CEP162: variants seen among roughly 807,000 people sequenced by gnomAD.
CEP162 encodes the protein centrosomal protein of 162 kDa.
CEP162 carries 141 observed loss-of-function variants against 169.2 expected under a neutral mutation model. That is an observed-to-expected ratio of 0.83 (90% CI 0.73 to 0.96). The LOEUF is 0.96. Ranked by LOEUF, CEP162 falls within the 40% of genes least tolerant of loss-of-function variation. The probability of loss-of-function intolerance (pLI) is 0.00; values close to 1 mark genes in which losing one functional copy is unlikely to be tolerated. For synonymous variants in CEP162, 540 were observed against 526.4 expected, an observed-to-expected ratio of 1.03 and a Z score of -0.35; for missense variants, 1,600 against 1,587.2, an observed-to-expected ratio of 1.01 and a Z score of -0.14.
At chr6:84,170,598 C>T (rs1188018366) in intron 17 of CEP162, among the ~76,000 whole-genome samples, 2 of 151,610 alleles carry the variant, frequency 1.3e-5, no homozygotes, top group East Asian at 1.9e-4. Context: ...GGTTATATAA[C>T]CAAAAAGGGG....
intron 23 of CEP162, among the ~76,000 whole-genome samples, chr6:84,151,037 G>A (rs536650230): frequency 6.6e-6 from 1 of 152,050 alleles, no homozygotes; most frequent in African/African-American, 2.4e-5. Context: ...CAATTTCCTG[G>A]GAAGTTCCAC....
intron 23 of CEP162, 67 bp from the exon 24 acceptor site, chr6:84,149,770 C>T: frequency 7.6e-7 from 1 of 1,324,480 alleles, no homozygotes; most frequent in Non-Finnish European, 1.0e-6. Context: ...AGAGTTAGCA[C>T]AAAAACAGTA....
chr6:84,195,213 C>T (rs2099541612), intron 9 of CEP162, 138 bp from the exon 10 acceptor site: 2 of 690,030 alleles, frequency 2.9e-6, no homozygotes, highest in Non-Finnish European at 4.7e-6. Context: ...CAGCTATGGC[C>T]TACCAGCATG....
intron 21 of CEP162, among the ~76,000 whole-genome samples, chr6:84,156,352 C>T (rs955727424): frequency 8.6e-5 from 13 of 151,992 alleles, no homozygotes; most frequent in African/African-American, 3.1e-4. Context: ...GCAAATGCAA[C>T]AAAACCAAAA....
chr6:84,159,524 TA>T (rs1360473799), intron 21 of CEP162, among the ~76,000 whole-genome samples: 17 of 33,450 alleles, frequency 5.1e-4, no homozygotes, highest in African/African-American at 2.1e-3. Context: ...ATTAATTATT[TA>T]TATATATATA....
intron 17 of CEP162, among the ~76,000 whole-genome samples, chr6:84,170,373 C>CAAAAAAAAAAAAA (rs57988482): frequency 2.5e-4 from 7 of 28,352 alleles, no homozygotes; most frequent in African/African-American, 4.2e-4. Context: ...GACTCCGTCT[C>CAAAAAAAAAAAAA]AAAAAAAAAA....
At chr6:84,189,329 G>A (rs1291578316) in intron 11 of CEP162, among the ~76,000 whole-genome samples, 5 of 152,196 alleles carry the variant, frequency 3.3e-5, no homozygotes, top group African/African-American at 9.6e-5. Context: ...GGCTGGCCAA[G>A]GCCAGAGCCC....
Position 84,175,254 on chromosome 6 carries a change from T to G in CEP162, c.1757A>C (p.Glu586Ala). Reference sequence around the variant, plus strand: ...ACAGGAATCAGTTTCTGTGGGATTTTCAGACTTCTTACGAGTAGACAGGCA... The same window carrying G: ...ACAGGAATCAGTTTCTGTGGGATTTGCAGACTTCTTACGAGTAGACAGGCA... Reference protein sequence around the residue: ...ESCLSTRKKSENPTETDSCIQ... With the variant: ...ESCLSTRKKSANPTETDSCIQ... Residue 586 changes from glutamate (E) to alanine (A), a missense_variant, in exon 14 of 27, where the codon GAA (glutamate) becomes GCA (alanine). By Grantham distance (107) the Glu-to-Ala change is moderately radical. Coordinates refer to ENST00000403245, the MANE Select transcript of CEP162 (RefSeq NM_014895.4). The G allele has an allele frequency of 6.5e-7, 1 of 1,544,942 alleles. No individual in the cohort carries two copies. The highest frequency in any genetic ancestry group is 8.7e-7 in the Non-Finnish European group (1 of 1,143,156).
intron 2 of CEP162, 24 bp downstream of exon 2, chr6:84,226,313 T>G: frequency 6.8e-7 from 1 of 1,460,788 alleles, no homozygotes; most frequent in Non-Finnish European, 9.4e-7. Flanking sequence ...TTTGACAATA[T>G]AGCTTTTAAA....
At chr6:84,136,751 T>C (rs1011890652) in intron 25 of CEP162, among the ~76,000 whole-genome samples, 1 of 152,230 alleles carries the variant, frequency 6.6e-6, no homozygotes, top group Non-Finnish European at 1.5e-5. Flanking sequence ...CTTATTTAAC[T>C]TGATAGCTGT....
chr6:84,134,537 C>T (rs534874932), intron 25 of CEP162, among the ~76,000 whole-genome samples: 2 of 152,142 alleles, frequency 1.3e-5, no homozygotes. Context: ...AGCATAGTAA[C>T]TGGGCTGGAG....
At chr6:84,199,367 G>C (rs1261883512) in intron 9 of CEP162, among the ~76,000 whole-genome samples, 1 of 152,090 alleles carries the variant, frequency 6.6e-6, no homozygotes, top group Non-Finnish European at 1.5e-5. Context: ...AGTCAAAATA[G>C]TGGTGACTCT....
chr6:84,197,123 T>C lies in CEP162; in HGVS notation c.836-2048A>G, dbSNP rs1562071667. On this transcript the variant is annotated intron_variant, in intron 9 of 26. Coordinates refer to ENST00000403245, the MANE Select transcript of CEP162 (RefSeq NM_014895.4). ...ATGACTTCTATGGTAAAGACCATAG[T>C]AGTATCAAATGCTCATACCTAATTT... Among the ~76,000 whole-genome samples the C allele has an allele frequency of 3.9e-5, 6 of 151,996 alleles. 1 individual carries two copies. The highest frequency in any genetic ancestry group is 2.9e-5 in the Non-Finnish European group (2 of 67,992).
intron 5 of CEP162, 23 bp downstream of exon 5, chr6:84,215,259 T>G: frequency 7.7e-7 from 1 of 1,299,176 alleles, no homozygotes; most frequent in Non-Finnish European, 1.0e-6. Context: ...TAAAAATCAT[T>G]AATAGTTTAC....
chr6:84,137,831 C>A (rs969560009), intron 25 of CEP162, among the ~76,000 whole-genome samples: 8 of 152,116 alleles, frequency 5.3e-5, no homozygotes, highest in African/African-American at 1.9e-4. Context: ...CTTAAAAAAA[C>A]CCAAGGATTT....
At chr6:84,193,471 A>G (rs2099540750) in intron 11 of CEP162, 138 bp downstream of exon 11, 2 of 483,546 alleles carry the variant, frequency 4.1e-6, no homozygotes, top group African/African-American at 2.0e-5. Context: ...AGTAAGGACA[A>G]ATATAAAAAG....
chr6:84,188,027 T>G lies in CEP162; in HGVS notation c.1110-1404A>C, dbSNP rs117461636. Among the ~76,000 whole-genome samples the G allele has an allele frequency of 1.9e-4, 29 of 152,036 alleles. No individual in the cohort carries two copies. In the Middle Eastern group the frequency reaches 0.01, roughly 53 times the overall value. ...ATGAAAAAGCAAGATTTCAAGAGAC[T>G]TCTTGGTTGAAAAGAGTGACCCAGT... On this transcript the variant is annotated intron_variant, in intron 11 of 26. Coordinates refer to ENST00000403245, the MANE Select transcript of CEP162 (RefSeq NM_014895.4).
Position 84,196,511 on chromosome 6 carries a change from T to C in CEP162, c.836-1436A>G, listed in dbSNP as rs1160167700. ...AAGAATTCAAATAATTTAATGAAAA[T>C]AATGATTGCATATTTTTGAGTACTT... On this transcript the variant is annotated intron_variant, in intron 9 of 26. Transcript: ENST00000403245. 8.5e-5 allele frequency among the ~76,000 whole-genome samples: 13 copies of C among 152,162 alleles called. 1 individual carries two copies.
chr6:84,182,612 T>C (rs1009708088), intron 13 of CEP162, among the ~76,000 whole-genome samples: 4 of 152,202 alleles, frequency 2.6e-5, no homozygotes, highest in South Asian at 2.1e-4. Context: ...GCAAAAACTT[T>C]CCTGGGTTGA....
Sources: allele counts gnomAD v4.1 joint callset (sites outside exome capture counted in the v4.1 genomes callset), GRCh38; gene constraint gnomAD v4.1.1; transcripts MANE v1.5; gene names NCBI Gene and HGNC (gene_info 2026-07-23, HGNC 2026-07-21).